The following NLGN1 variants were observed in gnomAD, a reference collection of about 807,000 sequenced individuals.
NLGN1 encodes neuroligin 1.
A neutral mutation model predicts 65.5 loss-of-function variants in NLGN1; 12 were observed. The ratio of observed to expected loss-of-function variants is 0.18; its 90% CI spans 0.12 to 0.30. The LOEUF (loss-of-function observed/expected upper bound fraction) is 0.30. Among genes scored for constraint, NLGN1 ranks in the 10% least tolerant of loss-of-function variants. The pLI is 1.00. For synonymous variants in NLGN1, 350 were observed against 359.5 expected (o/e 0.97, Z 0.30); for missense variants, 750 against 1,007.1 (o/e 0.74, Z 3.46).
intron 3 of NLGN1, among the ~76,000 whole-genome samples, chr3:173,797,060 T>A (rs551230717): frequency 6.6e-5 from 10 of 151,980 alleles, no homozygotes; most frequent in Admixed American, 6.6e-4. Context: ...TAGGCAGAGG[T>A]GGTGTTTTGT....
chr3:173,918,660 A>ATATG (rs1306059586), intron 4 of NLGN1, among the ~76,000 whole-genome samples: 18 of 111,810 alleles, frequency 1.6e-4, no homozygotes, highest in African/African-American at 5.8e-4. Context: ...AGAAATACAT[A>ATATG]TGTGTGTGTG....
chr3:173,798,938 AGTT>A (rs1358947215), intron 3 of NLGN1, among the ~76,000 whole-genome samples: 5 of 151,928 alleles, frequency 3.3e-5, no homozygotes, highest in Admixed American at 3.3e-4. Context: ...ATTCTTTGAG[AGTT>A]ATAATAGTAA....
At chr3:174,237,073 T>G (rs1258246715) in intron 4 of NLGN1, among the ~76,000 whole-genome samples, 2 of 152,190 alleles carry the variant, frequency 1.3e-5, no homozygotes, top group East Asian at 3.9e-4. Context: ...TGAGTTGCTT[T>G]AAATAAATTA....
intron 4 of NLGN1, among the ~76,000 whole-genome samples, chr3:174,006,052 A>G (rs925219593): frequency 1.3e-5 from 2 of 152,116 alleles, no homozygotes; most frequent in Admixed American, 6.6e-5. Context: ...TAACAGGACT[A>G]TTTGATAAGG....
At chr3:174,268,239 A>G (rs1245623727) in intron 4 of NLGN1, among the ~76,000 whole-genome samples, 2 of 152,106 alleles carry the variant, frequency 1.3e-5, no homozygotes, top group Non-Finnish European at 1.5e-5. Context: ...TTCTTTTTTC[A>G]CTTCTTTGTG....
intron 2 of NLGN1, among the ~76,000 whole-genome samples, chr3:173,519,925 A>C (rs893371770): frequency 2.0e-5 from 3 of 152,130 alleles, no homozygotes; most frequent in Non-Finnish European, 4.4e-5. Flanking sequence ...ATCTCATGCC[A>C]AATTGTAGTC....
At chr3:173,934,505 A>G (rs1744699068) in intron 4 of NLGN1, among the ~76,000 whole-genome samples, 1 of 152,010 alleles carries the variant, frequency 6.6e-6, no homozygotes, top group Admixed American at 6.6e-5. Context: ...GATAAAACTC[A>G]AATGGTGACT....
intron 2 of NLGN1, among the ~76,000 whole-genome samples, chr3:173,567,249 A>G (rs1020207514): frequency 1.3e-5 from 2 of 152,128 alleles, no homozygotes; most frequent in African/African-American, 4.8e-5. Flanking sequence ...TAAATTAGAG[A>G]GGGCAGATTC....
chr3:174,050,613 A>G (rs2152502468), intron 4 of NLGN1, among the ~76,000 whole-genome samples: 1 of 152,190 alleles, frequency 6.6e-6, no homozygotes, highest in Non-Finnish European at 1.5e-5. Context: ...GGCCTGGTGC[A>G]GAGAGTACTC....
intron 3 of NLGN1, among the ~76,000 whole-genome samples, chr3:173,774,197 T>C (rs916316965): frequency 6.6e-6 from 1 of 152,208 alleles, no homozygotes; most frequent in African/African-American, 2.4e-5. Flanking sequence ...GGCAAGCCTT[T>C]GATATATAGT....
At chr3:173,584,399 A>ATTTTTTTTTTTTTTT (rs66827074) in intron 2 of NLGN1, among the ~76,000 whole-genome samples, 1 of 30,820 alleles carries the variant, frequency 3.2e-5, no homozygotes, top group African/African-American at 1.4e-4. Flanking sequence ...GGTCCTCGGC[A>ATTTTTTTTTTTTTTT]TTTTTTTTTT....
chr3:173,967,230 CAGTGTGGCATAACTTCCG>C (rs1444402646), intron 4 of NLGN1, among the ~76,000 whole-genome samples: 4 of 152,156 alleles, frequency 2.6e-5, no homozygotes, highest in Non-Finnish European at 5.9e-5. Flanking sequence ...GGCCTTTAAG[CAGTGTGGCATAACTTCCG>C]ACTGGTGGAC....
chr3:173,723,363 C>T (rs1034911795), intron 3 of NLGN1, among the ~76,000 whole-genome samples: 2 of 152,172 alleles, frequency 1.3e-5, no homozygotes, highest in Non-Finnish European at 2.9e-5. Context: ...TTTCTAATCA[C>T]ATAGATTTTT....
At chr3:173,805,812 AAGCTGAAACTGTATGT>A (rs1239249099) in intron 3 of NLGN1, among the ~76,000 whole-genome samples, 1 of 152,202 alleles carries the variant, frequency 6.6e-6, no homozygotes, top group Admixed American at 6.5e-5. Flanking sequence ...GAAAAATAAG[AAGCTGAAACTGTATGT>A]AGCAAACAGG....
intron 2 of NLGN1, among the ~76,000 whole-genome samples, chr3:173,502,279 T>G (rs1731265033): frequency 6.6e-6 from 1 of 152,144 alleles, no homozygotes. Context: ...AGAGACTTAG[T>G]AAGAGAAGAT....
intron 4 of NLGN1, among the ~76,000 whole-genome samples, chr3:174,206,529 G>A (rs1488542889): frequency 1.3e-5 from 2 of 152,168 alleles, no homozygotes; most frequent in Non-Finnish European, 2.9e-5. Context: ...GCCAAGACAA[G>A]GAAAGAGGGC....
chr3:174,011,603 C>A (rs1414416313), intron 4 of NLGN1, among the ~76,000 whole-genome samples: 2 of 151,970 alleles, frequency 1.3e-5, no homozygotes, highest in Non-Finnish European at 2.9e-5. Context: ...TTGAAGAAAC[C>A]TGGGTTCAAG....
At chr3:174,137,116 G>C (rs985994100) in intron 4 of NLGN1, among the ~76,000 whole-genome samples, 4 of 151,992 alleles carry the variant, frequency 2.6e-5, no homozygotes, top group African/African-American at 4.8e-5. Flanking sequence ...AAACAGAATG[G>C]TTATAAGGAC....
chr3:174,192,517 A>G (rs762941666), intron 4 of NLGN1, among the ~76,000 whole-genome samples: 33 of 152,192 alleles, frequency 2.2e-4, no homozygotes, highest in Non-Finnish European at 3.1e-4. Context: ...TTATTTATCT[A>G]TGCATTCAAT....
Sources: allele counts gnomAD v4.1 joint callset (sites outside exome capture counted in the v4.1 genomes callset), GRCh38; gene constraint gnomAD v4.1.1; transcripts MANE v1.5; gene names NCBI Gene and HGNC (gene_info 2026-07-23, HGNC 2026-07-21).